The following PATZ1 variants were observed in gnomAD, a reference collection of about 807,000 sequenced individuals.
PATZ1 encodes POZ-, AT hook-, and zinc finger-containing protein 1.
In PATZ1, 9 loss-of-function variants were observed where a neutral mutation model predicts 46.2. The observed-to-expected ratio is 0.19, with a 90% confidence interval of 0.12 to 0.34. PATZ1 has a LOEUF of 0.34. Ranked by LOEUF, PATZ1 falls within the 10% of genes least tolerant of loss-of-function variation. PATZ1 has a pLI of 1.00. For synonymous variants in PATZ1, 426 were observed against 378.6 expected, an observed-to-expected ratio of 1.13 and a Z score of -1.45; for missense variants, 632 against 923.0, an observed-to-expected ratio of 0.68 and a Z score of 4.08.
At chr22:31,341,746 TC>T (rs1229175543) in intron 2 of PATZ1, 1 of 1,444,260 alleles carries the variant, frequency 6.9e-7, no homozygotes, top group Non-Finnish European at 9.4e-7. Context: ...CCCACTGCCC[TC>T]TGGGCTCCTC....
intron 2 of PATZ1, among the ~76,000 whole-genome samples, 198 bp downstream of exon 2, chr22:31,342,699 A>C (rs951958756): frequency 4.6e-5 from 7 of 151,864 alleles, no homozygotes; most frequent in Admixed American, 6.6e-5. Flanking sequence ...GGAAGGAGGA[A>C]CGTCAGCTGT....
intron 2 of PATZ1, chr22:31,341,770 G>T: frequency 8.5e-7 from 1 of 1,174,152 alleles, no homozygotes; most frequent in Non-Finnish European, 1.2e-6. Context: ...ACTCTGCCCG[G>T]GCTAATCAGC....
chr22:31,327,303 T>C lies in PATZ1; in HGVS notation c.1652A>G (p.Gln551Arg). Residue 551 changes from glutamine (Q) to arginine (R), a missense_variant, in exon 5 of 5, where the codon CAG (glutamine) becomes CGG (arginine). By Grantham distance (43) the Gln-to-Arg change is conservative. Transcript: ENST00000266269. The surrounding 1 kb of genome is among the most constrained non-coding windows in gnomAD (Gnocchi z 4.2). The stretch of plus-strand genomic sequence containing the variant: ...AATCGGATCCTGATGTGAGCATTTC[T>C]GGCCTTCTACGAAAAAACAAAATAT... ...CARTYGNKEG[Q>R]KCSHQDPIES... 4 of 1,611,952 alleles carry C rather than the reference T, an allele frequency of 2.5e-6. No individual in the cohort carries two copies. The highest frequency in any genetic ancestry group is 3.4e-6 in the Non-Finnish European group (4 of 1,178,554).
chr22:31,343,505 C>G, intron 1 of PATZ1: 1 of 910,490 alleles, frequency 1.1e-6, no homozygotes, highest in Non-Finnish European at 1.3e-6. Context: ...GCTGCCTGAC[C>G]GGTAAGACTG....
At chr22:31,337,421 G>A (rs1450067447) in intron 2 of PATZ1, among the ~76,000 whole-genome samples, 1 of 152,202 alleles carries the variant, frequency 6.6e-6, no homozygotes, top group Non-Finnish European at 1.5e-5. Context: ...GGAGGACTCA[G>A]GTTGGCAGGC....
chr22:31,328,951 C>G lies in PATZ1; in HGVS notation c.1508-27G>C, dbSNP rs1177925727. 1.9e-6 allele frequency: 3 copies of G among 1,591,204 alleles called. No homozygotes were observed. Among genetic ancestry groups the G allele is most frequent in the Non-Finnish European group, 2.6e-6 (3 of 1,169,998 alleles). On this transcript the variant is annotated intron_variant, in intron 3 of 4. Transcript: ENST00000266269. This position sits in a 1 kb window ranked among gnomAD's most constrained non-coding sequence, Gnocchi z 4.8. ...TAAACAAGACAAAAGGAGATGAGAT[C>G]CCGCGGCCAGCAAGAGATACCTCTC...
intron 3 of PATZ1, among the ~76,000 whole-genome samples, chr22:31,333,870 A>G (rs2049476138): frequency 6.6e-6 from 1 of 152,190 alleles, no homozygotes; most frequent in Non-Finnish European, 1.5e-5. Context: ...TTACTGGGCC[A>G]ACTTTCCCAC....
In PATZ1 at chr22:31,344,484, G is replaced by A. The variant is rs201399615; in HGVS notation, c.1119C>T (p.His373=). 1.9e-6 allele frequency: 3 copies of A among 1,614,252 alleles called. No homozygotes were observed. The highest frequency in any genetic ancestry group is 4.5e-5 in the East Asian group (2 of 44,880). The change falls in exon 1 of 5, where the codon CAC becomes CAT. Residue 373 remains histidine, a synonymous_variant. Transcript: ENST00000266269. The part of the protein sequence containing the change: ...IFRDVYHLNR[H]KLSHSGEKPY... ...GCTTCTCCCCAGAGTGGGACAGCTTGTGCCGGTTAAGATGATACACATCAC... is the reference window on the plus strand; with the variant it reads ...GCTTCTCCCCAGAGTGGGACAGCTTATGCCGGTTAAGATGATACACATCAC...
intron 3 of PATZ1, chr22:31,335,472 C>CTG (rs1692763750): frequency 1.9e-6 from 1 of 523,714 alleles, no homozygotes; most frequent in African/African-American, 1.9e-5. Context: ...TTTTGACCTG[C>CTG]TGGTCTCCTG....
intron 3 of PATZ1, among the ~76,000 whole-genome samples, chr22:31,333,582 C>A (rs1455766411): frequency 6.9e-6 from 1 of 145,172 alleles, no homozygotes; most frequent in African/African-American, 2.5e-5. Context: ...ATTGTTTTCT[C>A]TTCTTTCTGA....
Position 31,340,583 on chromosome 22 carries a change from T to TGGGAGGGGCAG in PATZ1, c.1335+2303_1335+2313dup, listed in dbSNP as rs1282057705. ...CCAGCAGGTCTGTGAGAGTGTATGT[T>TGGGAGGGGCAG]GGGAGGGGCAGGGCAGGAGCGCATT... is the stretch of plus-strand genomic sequence containing the variant. On this transcript the variant is annotated intron_variant, in intron 2 of 4. Transcript: ENST00000266269. The TGGGAGGGGCAG allele has an allele frequency of 6.3e-6, 4 of 631,868 alleles. No individual in the cohort carries two copies. In the East Asian group the frequency reaches 3.3e-4, roughly 52 times the overall value. The allele number at this position is 631,868 out of a possible 1,614,324, so 39.1% of individuals were successfully genotyped here. A position where few individuals can be genotyped will look rare whatever the true frequency, so the allele number is the denominator to read the frequency against.
rs71319182 is a variant in PATZ1, at chr22:31,333,476, CTT to C, written c.1507+2214_1507+2215del. On this transcript the variant is annotated intron_variant, in intron 3 of 4. Transcript: ENST00000266269. ...GCTCAGAAAGAACTTTATCCTCTTC[CTT>C]TTTTTTTTTTTTTTTTTTTGTCTCT... Among the ~76,000 whole-genome samples, 49 of 128,746 alleles carry C rather than the reference CTT, an allele frequency of 3.8e-4. 1 individual carries two copies. Among genetic ancestry groups the C allele is most frequent in the Middle Eastern group, 4.1e-3 (1 of 246 alleles). 84.5% of individuals were successfully genotyped at this position (128,746 alleles called of 152,430 possible). A position where few individuals can be genotyped will look rare whatever the true frequency, so the allele number is the denominator to read the frequency against.
chr22:31,326,609 A>C lies in PATZ1; in HGVS notation c.*282T>G. The C allele has an allele frequency of 2.9e-6, 1 of 349,172 alleles. No homozygotes were observed. The allele number at this position is 349,172 out of a possible 1,614,324, so 21.6% of individuals were successfully genotyped here. ...CAGGAATTCCAGCTTCTTCCCATTAAAGAAACTGGGACTGGTTTTGCCTTG... is the reference window on the plus strand; with the variant it reads ...CAGGAATTCCAGCTTCTTCCCATTACAGAAACTGGGACTGGTTTTGCCTTG... On this transcript the variant is annotated 3_prime_UTR_variant, in exon 5 of 5. Transcript: ENST00000266269.
rs1051503067 is a variant in PATZ1 at position 31,326,764 on chromosome 22, G to A, written c.*127C>T. On this transcript the variant is annotated 3_prime_UTR_variant, in exon 5 of 5. Transcript: ENST00000266269. ...GTGGTGGAGAAGGAGTTGGAGTGGG[G>A]TTGGGGGGCAGTTAAAAATGAATAA... 6 of 756,724 alleles carry A rather than the reference G, an allele frequency of 7.9e-6. No homozygotes were observed. In the South Asian group the frequency reaches 1.1e-4, roughly 14 times the overall value. 46.9% of individuals were successfully genotyped at this position (756,724 alleles called of 1,614,324 possible). A position where few individuals can be genotyped will look rare whatever the true frequency, so the allele number is the denominator to read the frequency against.
chr22:31,338,922 G>A (rs1412762201), intron 2 of PATZ1, among the ~76,000 whole-genome samples: 3 of 152,166 alleles, frequency 2.0e-5, no homozygotes, highest in Non-Finnish European at 2.9e-5. Context: ...GGTGGTGGGC[G>A]CCTGTAGTCC....
intron 2 of PATZ1, chr22:31,340,552 G>A (rs1032141901): frequency 4.0e-5 from 14 of 353,424 alleles, no homozygotes; most frequent in Admixed American, 6.3e-5. Context: ...AGGGCTGGAG[G>A]AGGGGCCAGC....
chr22:31,341,828 G>C (rs554143322), intron 2 of PATZ1: 1 of 709,694 alleles, frequency 1.4e-6, no homozygotes, highest in Admixed American at 3.0e-5. Flanking sequence ...ATCAGAGACA[G>C]AGAGAGAGAA....
rs2049395575 is a variant in PATZ1, at chr22:31,328,563, G to A, written c.1645+224C>T. Among the ~76,000 whole-genome samples the A allele has an allele frequency of 6.6e-6, 1 of 152,196 alleles. No homozygotes were observed. The highest frequency in any genetic ancestry group is 2.4e-5 in the African/African-American group (1 of 41,454). On this transcript the variant is annotated intron_variant, in intron 4 of 4. Coordinates refer to ENST00000266269, the MANE Select transcript of PATZ1 (RefSeq NM_014323.3). The surrounding 1 kb of genome is among the most constrained non-coding windows in gnomAD (Gnocchi z 4.8). ...AGGAAAGGAGGAGGGCTGGGGAAGA[G>A]GAGGCGGAGGCTGGATCTCGGCAGT...
Position 31,327,433 on chromosome 22 carries a change from G to T in PATZ1, c.1646-124C>A. 1.3e-6 allele frequency: 1 copy of T among 790,618 alleles called. No homozygotes were observed. The highest frequency in any genetic ancestry group is 2.0e-6 in the Non-Finnish European group (1 of 500,122). 49.0% of individuals were successfully genotyped at this position (790,618 alleles called of 1,614,324 possible). A position where few individuals can be genotyped will look rare whatever the true frequency, so the allele number is the denominator to read the frequency against. The stretch of plus-strand genomic sequence containing the variant: ...GCAGCCATTGGCCAGCCACTGCCCT[G>T]GCAGAACCCACGGAGGGTCAGCTGG... On this transcript the variant is annotated intron_variant, in intron 4 of 4. Coordinates refer to ENST00000266269, the MANE Select transcript of PATZ1 (RefSeq NM_014323.3). The surrounding 1 kb of genome is among the most constrained non-coding windows in gnomAD (Gnocchi z 4.2).
Sources: gnomAD v4.1 joint callset for allele counts (sites outside exome capture counted in the v4.1 genomes callset) on GRCh38, gnomAD v4.1.1 for gene constraint, Gnocchi (gnomAD v3.1) non-coding constraint, MANE v1.5 for transcripts, NCBI Gene and HGNC (gene_info 2026-07-23, HGNC 2026-07-21) for gene names.